Variants in RAP1GAP2 observed in about 807,000 individuals in gnomAD.
The protein encoded by RAP1GAP2 is RAP1 GTPase activating protein 2, also known as rap1 GTPase-activating protein 2.
Under a neutral mutation model 95.0 loss-of-function variants are expected in RAP1GAP2, and 27 were observed. The observed-to-expected ratio is 0.28, with a 90% CI of 0.21 to 0.39. The LOEUF is 0.39. Among genes scored for constraint, RAP1GAP2 ranks in the 10% least tolerant of loss-of-function variants. The pLI, the probability that RAP1GAP2 is intolerant of heterozygous loss-of-function variation, is 1.00. For synonymous variants in RAP1GAP2, 373 were observed against 380.9 expected (o/e 0.98, Z 0.24); for missense variants, 771 against 970.0 (o/e 0.79, Z 2.72).
chr17:2,986,514 C>T (rs2045563561), intron 11 of RAP1GAP2, among the ~76,000 whole-genome samples: 1 of 151,308 alleles, frequency 6.6e-6, no homozygotes, highest in South Asian at 2.1e-4. Flanking sequence ...CCTGATGCTG[C>T]TGTGGAGGAA....
At chr17:3,014,765 C>T (rs758054584) in intron 17 of RAP1GAP2, among the ~76,000 whole-genome samples, 1 of 152,084 alleles carries the variant, frequency 6.6e-6, no homozygotes, top group Non-Finnish European at 1.5e-5. Context: ...CCATGTTGGC[C>T]AGGTTGGTCT....
upstream of RAP1GAP2, among the ~76,000 whole-genome samples, chr17:2,793,052 G>C (rs1490255797): frequency 2.0e-5 from 3 of 152,098 alleles, no homozygotes; most frequent in African/African-American, 7.2e-5. Flanking sequence ...CTATCACCCC[G>C]CTTCTCTCTC....
intron 2 of RAP1GAP2, among the ~76,000 whole-genome samples, chr17:2,890,905 C>T (rs137894401): frequency 2.4e-4 from 36 of 152,022 alleles, no homozygotes; most frequent in Admixed American, 1.1e-3. Flanking sequence ...AGGATGGTCT[C>T]GATCTCCTGA....
chr17:2,912,927 C>G (rs2042438317), intron 3 of RAP1GAP2, among the ~76,000 whole-genome samples: 1 of 152,102 alleles, frequency 6.6e-6, no homozygotes, highest in East Asian at 1.9e-4. Flanking sequence ...CCTGAAATCC[C>G]AGCATTTTGG....
rs372057235 is a variant in RAP1GAP2, at chr17:2,995,457, C to T, written c.1035C>T (p.Asp345=). The T allele has an allele frequency of 3.0e-5, 48 of 1,613,724 alleles. No homozygotes were observed. Among genetic ancestry groups the T allele is most frequent in the African/African-American group, 2.3e-4 (17 of 75,064 alleles). ...CAAAGCTGCCATTTACCGACGGAGACGCCCAGCAGGTAACCTGGTTTGGGA... is the reference window on the plus strand; with the variant it reads ...CAAAGCTGCCATTTACCGACGGAGATGCCCAGCAGGTAACCTGGTTTGGGA... The part of the protein sequence containing the change: ...VSTKLPFTDG[D]AQQLQRKRHI... Residue 345 remains aspartate (D), a synonymous_variant, in exon 13 of 25, where the codon GAC becomes GAT. Coordinates refer to ENST00000254695, the MANE Select transcript of RAP1GAP2 (RefSeq NM_015085.5).
rs1335201266 is a variant in RAP1GAP2, at chr17:3,003,731, G to A, written c.1201-1638G>A. Reference sequence around the variant, plus strand: ...TGCATTTAGAAAACAGGAAGGTGGGGCTGTGTTCAGGCAACTTCTGCTTTC... The same window carrying A: ...TGCATTTAGAAAACAGGAAGGTGGGACTGTGTTCAGGCAACTTCTGCTTTC... On this transcript the variant is annotated intron_variant, in intron 14 of 24. Transcript: ENST00000254695. The surrounding 1 kb of genome is among the most constrained non-coding windows in gnomAD (Gnocchi z 4.1). Among the ~76,000 whole-genome samples the A allele has an allele frequency of 2.0e-5, 3 of 152,162 alleles. No homozygotes were observed. Among genetic ancestry groups the A allele is most frequent in the Admixed American group, 6.5e-5 (1 of 15,270 alleles).
rs1192018616 is a variant in RAP1GAP2, at chr17:2,797,862, G to A, written c.44+1291G>A. ...TGTGTGTGTCTTGGCTGTGGGCCTT[G>A]CAGGGCAGGGCCCAGCAATTAGATT... On this transcript the variant is annotated intron_variant, in intron 1 of 24. Transcript: ENST00000254695. The surrounding 1 kb of genome is among the most constrained non-coding windows in gnomAD (Gnocchi z 5.6). 2.3e-6 allele frequency: 2 copies of A among 853,316 alleles called. No individual in the cohort carries two copies. The highest frequency in any genetic ancestry group is 2.8e-6 in the Non-Finnish European group (2 of 709,810). The allele number at this position is 853,316 out of a possible 1,614,324, so 52.9% of individuals were successfully genotyped here.
chr17:3,004,962 G>A lies in RAP1GAP2; in HGVS notation c.1201-407G>A, dbSNP rs1042230710. 1.3e-5 allele frequency among the ~76,000 whole-genome samples: 2 copies of A among 152,158 alleles called. No homozygotes were observed. The highest frequency in any genetic ancestry group is 1.5e-5 in the Non-Finnish European group (1 of 68,018). On this transcript the variant is annotated intron_variant, in intron 14 of 24. Coordinates refer to ENST00000254695, the MANE Select transcript of RAP1GAP2 (RefSeq NM_015085.5). The surrounding 1 kb of genome is among the most constrained non-coding windows in gnomAD (Gnocchi z 4.1). ...GGCTAATCACCTGTGGGACTTGGGG[G>A]CTTCTCTGTGTGTCTCTGGGCATCT...
intron 2 of RAP1GAP2, among the ~76,000 whole-genome samples, chr17:2,842,865 G>A (rs2071425997): frequency 6.6e-6 from 1 of 152,108 alleles, no homozygotes; most frequent in African/African-American, 2.4e-5. Flanking sequence ...AAGTTTTTCT[G>A]GGGCAGAGGA....
Position 2,902,357 on chromosome 17 carries a change from C to G in RAP1GAP2, c.81-2927C>G, listed in dbSNP as rs2042052239. ...TCAGCCTCCCAAGTAGCTCGGATGA[C>G]AGGCACACGCCACCATGCCTGGCTA... is the stretch of plus-strand genomic sequence containing the variant. On this transcript the variant is annotated intron_variant, in intron 2 of 24. Transcript: ENST00000254695. This position sits in a 1 kb window ranked among gnomAD's most constrained non-coding sequence, Gnocchi z 4.1. 6.6e-6 allele frequency among the ~76,000 whole-genome samples: 1 copy of G among 152,142 alleles called. No homozygotes were observed. The highest frequency in any genetic ancestry group is 6.5e-5 in the Admixed American group (1 of 15,278).
At position 3,004,786 on chromosome 17, in the gene RAP1GAP2, T is replaced by A. The variant is rs1597851545; in HGVS notation, c.1201-583T>A. 6.6e-6 allele frequency among the ~76,000 whole-genome samples: 1 copy of A among 152,204 alleles called. No homozygotes were observed. Among genetic ancestry groups the A allele is most frequent in the Non-Finnish European group, 1.5e-5 (1 of 68,032 alleles). On this transcript the variant is annotated intron_variant, in intron 14 of 24. Transcript: ENST00000254695. The surrounding 1 kb of genome is among the most constrained non-coding windows in gnomAD (Gnocchi z 4.1). ...GGCCCTACCCTTCCGATTCGGCAGG[T>A]TTAGGCCAGAGCCCATGAACCCAGT...
In RAP1GAP2 at chr17:2,825,953, A is replaced by AT. The variant is rs67968065; in HGVS notation, c.80+25411dup. Reference sequence around the variant, plus strand: ...CTAGGAAGAGAAGGTTGCAGGGGGCATTTTTTTTCTTTTTTCTTTCTTTCT... The same window carrying AT: ...CTAGGAAGAGAAGGTTGCAGGGGGCATTTTTTTTTCTTTTTTCTTTCTTTCT... On this transcript the variant is annotated intron_variant, in intron 2 of 24. Coordinates refer to ENST00000254695, the MANE Select transcript of RAP1GAP2 (RefSeq NM_015085.5). The surrounding 1 kb of genome is among the most constrained non-coding windows in gnomAD (Gnocchi z 4.1). Among the ~76,000 whole-genome samples the AT allele has an allele frequency of 0.41, 61,074 of 147,208 alleles. 13,078 individuals are homozygous for AT. Among genetic ancestry groups the AT allele is most frequent in the Non-Finnish European group, 0.48 (32,520 of 67,160 alleles).
In RAP1GAP2 at chr17:2,984,930, T is replaced by C; in HGVS notation, c.730-53T>C. On this transcript the variant is annotated intron_variant, in intron 10 of 24. Transcript: ENST00000254695. Reference sequence around the variant, plus strand: ...CTTCCCCTGCCATGTGCTTCCTCACTTGCTTCCAAATTTAACAAATGTTGA... The same window carrying C: ...CTTCCCCTGCCATGTGCTTCCTCACCTGCTTCCAAATTTAACAAATGTTGA... 3.1e-6 allele frequency: 5 copies of C among 1,601,864 alleles called. No homozygotes were observed. The South Asian group carries it at 5.6e-5, about 18-fold the overall frequency.
chr17:3,005,495 T>C lies in RAP1GAP2; in HGVS notation c.1272+55T>C. Reference sequence around the variant, plus strand: ...CATCCACGATGCCAGGTCTCAGTGCTTGAGTAGCAATGGTTGGGATGGAGC... The same window carrying C: ...CATCCACGATGCCAGGTCTCAGTGCCTGAGTAGCAATGGTTGGGATGGAGC... On this transcript the variant is annotated intron_variant, in intron 15 of 24. Transcript: ENST00000254695. This position sits in a 1 kb window ranked among gnomAD's most constrained non-coding sequence, Gnocchi z 5.2. The C allele has an allele frequency of 6.4e-7, 1 of 1,551,904 alleles. No individual in the cohort carries two copies. Among genetic ancestry groups the C allele is most frequent in the African/African-American group, 1.4e-5 (1 of 73,674 alleles).
At chr17:2,849,922 C>T (rs1007717118) in intron 2 of RAP1GAP2, among the ~76,000 whole-genome samples, 2 of 151,768 alleles carry the variant, frequency 1.3e-5, no homozygotes, top group African/African-American at 4.8e-5. Flanking sequence ...CCTGTCCGTT[C>T]TCTTTCGAAC....
chr17:2,966,922 G>T (rs1229028195), intron 8 of RAP1GAP2, among the ~76,000 whole-genome samples: 1 of 152,172 alleles, frequency 6.6e-6, no homozygotes, highest in Admixed American at 6.5e-5. Flanking sequence ...ATTAGGACTG[G>T]AAATGCTGCT....
chr17:2,945,993 G>T (rs755159986), intron 3 of RAP1GAP2, among the ~76,000 whole-genome samples: 7 of 152,032 alleles, frequency 4.6e-5, no homozygotes, highest in Non-Finnish European at 1.5e-5. Context: ...CTTTCACCAT[G>T]TCGGCCAGGC....
At chr17:2,863,660 A>G (rs977375573) in intron 2 of RAP1GAP2, among the ~76,000 whole-genome samples, 5 of 152,204 alleles carry the variant, frequency 3.3e-5, no homozygotes, top group African/African-American at 1.2e-4. Context: ...CCTGTTGTCA[A>G]GAGGGCTTAC....
At chr17:2,861,136 C>T (rs953736528) in intron 2 of RAP1GAP2, among the ~76,000 whole-genome samples, 2 of 152,054 alleles carry the variant, frequency 1.3e-5, no homozygotes, top group Admixed American at 6.6e-5. Flanking sequence ...TCCTCATCCC[C>T]GGACTCTTCA....
Sources: gnomAD v4.1 joint callset for allele counts (sites outside exome capture counted in the v4.1 genomes callset) on GRCh38, gnomAD v4.1.1 for gene constraint, Gnocchi (gnomAD v3.1) non-coding constraint, MANE v1.5 for transcripts, NCBI Gene and HGNC (gene_info 2026-07-23, HGNC 2026-07-21) for gene names.